Variants in DNAH14 observed in about 807,000 individuals in gnomAD.
DNAH14 encodes the protein axonemal beta dynein heavy chain 14.
Under a neutral mutation model 520.9 loss-of-function variants are expected in DNAH14, and 478 were observed. The ratio of observed to expected loss-of-function variants is 0.92; its 90% CI spans 0.85 to 0.99. DNAH14 has a LOEUF of 0.99. DNAH14 is among the 50% of genes least tolerant of loss of function. The probability of loss-of-function intolerance (pLI) is 0.00; values close to 1 mark genes in which losing one functional copy is unlikely to be tolerated. For missense variants in DNAH14, 4,831 were observed against 5,234.5 expected, an observed-to-expected ratio of 0.92 and a Z score of 2.38; for synonymous variants, 1,581 against 1,757.2, an observed-to-expected ratio of 0.90 and a Z score of 2.51.
chr1:225,301,789 G>A (rs1017775792), intron 56 of DNAH14, among the ~76,000 whole-genome samples: 3 of 152,048 alleles, frequency 2.0e-5, no homozygotes, highest in Non-Finnish European at 2.9e-5. Flanking sequence ...CAGATACTTA[G>A]TAATCTGTCA....
At position 225,085,642 on chromosome 1, in the gene DNAH14, CACT is replaced by C; in HGVS notation, c.3430_3432del (p.Thr1144del). The C allele has an allele frequency of 6.4e-7, 1 of 1,551,184 alleles. No homozygotes were observed. Among genetic ancestry groups the C allele is most frequent in the East Asian group, 2.5e-5 (1 of 40,784 alleles). On this transcript the variant is annotated inframe_deletion, in exon 21 of 86. Coordinates refer to ENST00000682510, the MANE Select transcript of DNAH14 (RefSeq NM_001367479.1). ...TATTTAAGATTATTGATTTTTGGAACACTACTCCTTTGCCTTTAATTCTTCACC... is the reference window on the plus strand; with the variant it reads ...TATTTAAGATTATTGATTTTTGGAACACTCCTTTGCCTTTAATTCTTCACC...
intron 47 of DNAH14, among the ~76,000 whole-genome samples, chr1:225,264,958 GGAGGACTCTTT>G (rs1219425408): frequency 6.6e-6 from 1 of 152,144 alleles, no homozygotes; most frequent in African/African-American, 2.4e-5. Context: ...ATAAATGTAT[GGAGGACTCTTT>G]GAGCTTTTGT....
chr1:225,278,193 T>C (rs936630931), intron 54 of DNAH14, among the ~76,000 whole-genome samples: 4 of 151,842 alleles, frequency 2.6e-5, no homozygotes, highest in African/African-American at 9.7e-5. Flanking sequence ...AACTGGAAAA[T>C]AGAATCAAGA....
chr1:225,352,914 T>A (rs1401432366), intron 72 of DNAH14, among the ~76,000 whole-genome samples: 2 of 152,092 alleles, frequency 1.3e-5, no homozygotes, highest in Non-Finnish European at 2.9e-5. Flanking sequence ...TTTTGTTGCG[T>A]TTATCACTAA....
chr1:224,930,532 A>G (rs1009619456), intron 1 of DNAH14, among the ~76,000 whole-genome samples: 9 of 152,234 alleles, frequency 5.9e-5, no homozygotes, highest in African/African-American at 1.9e-4. Context: ...TAGCACATAC[A>G]ATTATGTACA....
chr1:225,106,881 G>A lies in DNAH14; in HGVS notation c.3867+5997G>A, dbSNP rs988520597. Among the ~76,000 whole-genome samples, 14 of 152,152 alleles carry A rather than the reference G, an allele frequency of 9.2e-5. No homozygotes were observed. The East Asian group carries it at 1.4e-3, about 15-fold the overall frequency. On this transcript the variant is annotated intron_variant, in intron 23 of 85. Transcript: ENST00000682510. ...ATCTGAAACCTTCTTCTCTCAACTC[G>A]TCAAAGTCATTCTCCATCCAGCATT...
chr1:225,228,039 A>C (rs59935799), intron 41 of DNAH14, among the ~76,000 whole-genome samples: 5,574 of 152,246 alleles, frequency 0.037, 317 homozygotes, highest in African/African-American at 0.13. Flanking sequence ...CATTCCTACC[A>C]GTCAATTTGA....
intron 11 of DNAH14, among the ~76,000 whole-genome samples, chr1:225,030,837 C>T (rs192335763): frequency 6.6e-6 from 1 of 151,904 alleles, no homozygotes; most frequent in African/African-American, 2.4e-5. Flanking sequence ...TCTTCTTTTT[C>T]AAAATTGTTT....
intron 41 of DNAH14, among the ~76,000 whole-genome samples, chr1:225,227,250 T>C (rs922665224): frequency 1.3e-5 from 2 of 152,108 alleles, no homozygotes; most frequent in African/African-American, 2.4e-5. Flanking sequence ...GGGGGAAACC[T>C]TGGACAATAC....
Position 225,374,145 on chromosome 1 carries a change from CTATATATATATATATATATATA to C in DNAH14, c.12319-526_12319-505del, listed in dbSNP as rs71170080. Among the ~76,000 whole-genome samples, 24 of 33,048 alleles carry C rather than the reference CTATATATATATATATATATATA, an allele frequency of 7.3e-4. 1 individual carries two copies. The South Asian group carries it at 9.9e-3, about 14-fold the overall frequency. The allele number at this position is 33,048 out of a possible 152,430, so 21.7% of individuals were successfully genotyped here. ...TGTATGTCCCAATATTTGTGTCTTA[CTATATATATATATATATATATA>C]TATATATATATATATACTATTCTAG... On this transcript the variant is annotated intron_variant, in intron 77 of 85. Transcript: ENST00000682510.
intron 1 of DNAH14, among the ~76,000 whole-genome samples, chr1:224,949,092 T>C (rs540045641): frequency 1.3e-5 from 2 of 152,322 alleles, no homozygotes; most frequent in African/African-American, 4.8e-5. Flanking sequence ...GCAATGTCTT[T>C]ATCTGGTTAA....
intron 54 of DNAH14, 147 bp downstream of exon 54, chr1:225,277,649 C>G (rs1339856848): frequency 5.6e-6 from 2 of 359,814 alleles, no homozygotes; most frequent in African/African-American, 4.3e-5. Context: ...CTTGTCCTCT[C>G]TGCAGTTTGC....
Position 225,304,932 on chromosome 1 carries a change from A to G in DNAH14, c.8848A>G (p.Thr2950Ala), listed in dbSNP as rs2094210213. The G allele has an allele frequency of 2.0e-6, 3 of 1,519,358 alleles. No homozygotes were observed. The highest frequency in any genetic ancestry group is 2.6e-6 in the Non-Finnish European group (3 of 1,139,620). 94.1% of individuals were successfully genotyped at this position (1,519,358 alleles called of 1,614,324 possible). The change falls in exon 58 of 86, where the codon ACA becomes GCA. Residue 2950 changes from threonine (T) to alanine (A), a missense_variant. Thr to Ala is a moderately conservative substitution (Grantham distance 58, BLOSUM62 0). Transcript: ENST00000682510. ...RENLKEKLAP[T>A]CVQIHKSMKD... ...GAACTTGAAAGAAAAACTTGCCCCA[A>G]CATGTGTCCAAATCCACAAAAGCAT...
intron 31 of DNAH14, among the ~76,000 whole-genome samples, chr1:225,150,131 C>G (rs2080339501): frequency 6.6e-6 from 1 of 152,060 alleles, no homozygotes; most frequent in Non-Finnish European, 1.5e-5. Flanking sequence ...ATATCAAAAG[C>G]CTTTTCTGCA....
intron 8 of DNAH14, among the ~76,000 whole-genome samples, chr1:225,000,675 C>A (rs2063702495): frequency 6.6e-6 from 1 of 151,330 alleles, no homozygotes; most frequent in Admixed American, 6.6e-5. Context: ...CTCCTGAGTT[C>A]AAACGATTCA....
intron 7 of DNAH14, among the ~76,000 whole-genome samples, chr1:224,971,714 C>T (rs2061512178): frequency 6.6e-6 from 1 of 152,052 alleles, no homozygotes; most frequent in African/African-American, 2.4e-5. Flanking sequence ...GAGAATATAG[C>T]AAGTTTCAAA....
At chr1:225,167,803 T>C in intron 35 of DNAH14, 136 bp from the exon 36 acceptor site, 1 of 481,824 alleles carries the variant, frequency 2.1e-6, no homozygotes, top group Non-Finnish European at 3.7e-6. Flanking sequence ...GAGACAGAGG[T>C]TGGTGAACTA....
chr1:225,079,151 G>C (rs199680676), intron 17 of DNAH14, 56 bp from the exon 18 acceptor site: 1 of 1,417,072 alleles, frequency 7.1e-7, no homozygotes, highest in Non-Finnish European at 9.5e-7. Context: ...AGAGTAATTA[G>C]TCTTCCAAAA....
chr1:224,976,509 CT>C (rs1227643086), intron 8 of DNAH14, among the ~76,000 whole-genome samples: 3 of 152,100 alleles, frequency 2.0e-5, no homozygotes, highest in African/African-American at 7.2e-5. Context: ...AACTAAAGAG[CT>C]TCTGCACAGC....
Sources: allele counts gnomAD v4.1 joint callset (sites outside exome capture counted in the v4.1 genomes callset), GRCh38; gene constraint gnomAD v4.1.1; transcripts MANE v1.5; gene names NCBI Gene and HGNC (gene_info 2026-07-23, HGNC 2026-07-21).